The following RUFY3 variants were observed in gnomAD, a reference collection of about 807,000 sequenced individuals.
RUFY3 encodes RUN and FYVE domain containing 3, also known as protein RUFY3.
Under a neutral mutation model 84.0 loss-of-function variants are expected in RUFY3, and 34 were observed. The ratio of observed to expected loss-of-function variants is 0.40; its 90% CI spans 0.31 to 0.54. The LOEUF (loss-of-function observed/expected upper bound fraction) is 0.54, where lower values mean the gene tolerates loss of function less well. Ranked by LOEUF, RUFY3 falls within the 20% of genes least tolerant of loss-of-function variation. The pLI, the probability that RUFY3 is intolerant of heterozygous loss-of-function variation, is 0.39. For missense variants in RUFY3, 507 were observed against 736.8 expected, an observed-to-expected ratio of 0.69 and a Z score of 3.61; for synonymous variants, 242 against 252.9, an observed-to-expected ratio of 0.96 and a Z score of 0.41.
intron 1 of RUFY3, among the ~76,000 whole-genome samples, chr4:70,746,251 C>G (rs756139401): frequency 6.7e-6 from 1 of 150,152 alleles, no homozygotes; most frequent in East Asian, 2.0e-4. Flanking sequence ...GTCTGAGGCA[C>G]GAGAATCGCT....
At chr4:70,705,403 G>A in intron 1 of RUFY3, 1 of 784,566 alleles carries the variant, frequency 1.3e-6, no homozygotes, top group East Asian at 3.5e-5. Context: ...ACCCGAGCCG[G>A]GTGGCCGGGA....
At chr4:70,704,845 C>A in exon 1 of RUFY3, 1 of 847,726 alleles carries the variant, frequency 1.2e-6, no homozygotes, top group Non-Finnish European at 1.5e-6. Flanking sequence ...GCGCAGCGGA[C>A]GGGACGGGGC....
At position 70,705,114 on chromosome 4, in the gene RUFY3, C is replaced by T. The variant is rs1195537304; in HGVS notation, c.178C>T (p.Pro60Ser). Reference sequence around the variant, plus strand: ...CGCCGGGCAGTCGGAGCCCGACTCGCCGGTGGCCGCCCCCTTCTTCCTGCT... The same window carrying T: ...CGCCGGGCAGTCGGAGCCCGACTCGTCGGTGGCCGCCCCCTTCTTCCTGCT... The change falls in exon 1 of 12, where the codon CCG becomes TCG. Residue 60 changes from proline (P) to serine (S), a missense_variant. Transcript: ENST00000417478. 2.8e-6 allele frequency: 4 copies of T among 1,428,504 alleles called. No homozygotes were observed. In the Admixed American group the frequency reaches 8.0e-5, roughly 28 times the overall value. The allele number at this position is 1,428,504 out of a possible 1,614,324, so 88.5% of individuals were successfully genotyped here.
At chr4:70,719,669 C>T (rs1438837516), upstream of RUFY3, among the ~76,000 whole-genome samples, 1 of 152,126 alleles carries the variant, frequency 6.6e-6, no homozygotes, top group African/African-American at 2.4e-5. Context: ...TGAAGTATTG[C>T]ATGATATAAA....
At chr4:70,718,835 A>G (rs1423460854), upstream of RUFY3, among the ~76,000 whole-genome samples, 1 of 151,906 alleles carries the variant, frequency 6.6e-6, no homozygotes, top group Non-Finnish European at 1.5e-5. Flanking sequence ...CTCCTGCCTC[A>G]GCCTCCAGAG....
At chr4:70,772,066 T>G (rs77879096) in intron 5 of RUFY3, among the ~76,000 whole-genome samples, 2,344 of 150,462 alleles carry the variant, frequency 0.016, 41 homozygotes, top group South Asian at 0.056. Context: ...AGGAAAACCT[T>G]TTTTTTTTCT....
chr4:70,718,918 T>G (rs1741953809), upstream of RUFY3, among the ~76,000 whole-genome samples: 1 of 152,154 alleles, frequency 6.6e-6, no homozygotes, highest in Admixed American at 6.5e-5. Flanking sequence ...TTTCTCCATG[T>G]TGGTCAGGCT....
intron 8 of RUFY3, among the ~76,000 whole-genome samples, chr4:70,782,037 G>A (rs1277430630): frequency 6.6e-6 from 1 of 152,086 alleles, no homozygotes; most frequent in Non-Finnish European, 1.5e-5. Context: ...TGCTTAATGG[G>A]ATCTTTTAGC....
At chr4:70,704,769 TG>T, upstream of RUFY3, 1 of 411,446 alleles carries the variant, frequency 2.4e-6, no homozygotes, top group Non-Finnish European at 3.9e-6. Flanking sequence ...GGGCGGGCTG[TG>T]GGCCGAGCGG....
Position 70,764,456 on chromosome 4 carries a change from G to C in RUFY3, c.471-19G>C. Reference sequence around the variant, plus strand: ...CTGGTGCTTATGTTTTCAGTTGTTTGATTTCTGTGTTTTTGTAGGACACCA... The same window carrying C: ...CTGGTGCTTATGTTTTCAGTTGTTTCATTTCTGTGTTTTTGTAGGACACCA... On this transcript the variant is annotated intron_variant, in intron 3 of 17. Transcript: ENST00000381006. The C allele has an allele frequency of 6.4e-7, 1 of 1,551,894 alleles. No homozygotes were observed.
At position 70,753,647 on chromosome 4, in the gene RUFY3, T is replaced by A. The variant is rs1342982582; in HGVS notation, c.179-8872T>A. ...CTAAAAGCTTTCCTGGTTATGCCAGTGTTGATGTTCTGAGACCAGAGAGTA... is the reference window on the plus strand; with the variant it reads ...CTAAAAGCTTTCCTGGTTATGCCAGAGTTGATGTTCTGAGACCAGAGAGTA... On this transcript the variant is annotated intron_variant, in intron 1 of 17. Coordinates refer to ENST00000381006, the MANE Select transcript of RUFY3 (RefSeq NM_001037442.4). 3.3e-5 allele frequency among the ~76,000 whole-genome samples: 5 copies of A among 152,184 alleles called. No homozygotes were observed. The East Asian group carries it at 9.6e-4, about 29-fold the overall frequency.
intron 1 of RUFY3, among the ~76,000 whole-genome samples, chr4:70,707,712 A>AC (rs1740502161): frequency 6.9e-6 from 1 of 145,794 alleles, no homozygotes; most frequent in South Asian, 2.1e-4. Flanking sequence ...CATATTAGCA[A>AC]AAAAAAAAAA....
chr4:70,738,518 AC>A (rs1447295102), intron 1 of RUFY3, among the ~76,000 whole-genome samples: 1 of 150,108 alleles, frequency 6.7e-6, no homozygotes, highest in Admixed American at 6.6e-5. Flanking sequence ...ATGCGCCACC[AC>A]GCCCGGCTAA....
chr4:70,778,729 A>C lies in RUFY3; in HGVS notation c.894+291A>C, dbSNP rs949449678. Among the ~76,000 whole-genome samples, 21 of 151,716 alleles carry C rather than the reference A, an allele frequency of 1.4e-4. No individual in the cohort carries two copies. In the East Asian group the frequency reaches 1.9e-3, roughly 14 times the overall value. ...CGAGTAGCTGGGATTACAGGCATAC[A>C]CCACCACCCCGGCTAATTTTGTATT... On this transcript the variant is annotated intron_variant, in intron 8 of 17. Transcript: ENST00000381006.
intron 4 of RUFY3, among the ~76,000 whole-genome samples, chr4:70,765,218 T>TATATACATATATATATATATATATAA (rs1725684472): frequency 6.7e-6 from 1 of 148,618 alleles, no homozygotes; most frequent in East Asian, 2.0e-4. Flanking sequence ...TGTATATATA[T>TATATACATATATATATATATATATAA]ATATATATTT....
rs1294051790 is a variant in RUFY3, at chr4:70,763,569, G to A, written c.370G>A (p.Gly124Arg). The A allele has an allele frequency of 6.2e-7, 1 of 1,604,352 alleles. No homozygotes were observed. The highest frequency in any genetic ancestry group is 8.5e-7 in the Non-Finnish European group (1 of 1,177,380). The change falls in exon 3 of 18, where the codon GGA becomes AGA. Residue 124 changes from glycine to arginine, a missense_variant. This residue lies in a region of RUFY3 where 133 missense variants were observed against 301.1 expected (regional missense o/e 0.44). Transcript: ENST00000381006. ...TGCCTTAGCTAAAAAAACTTTTCTC[G>A]GACAAAATAAATCCTTCTGGGGGCC... ...HGLKAKKTFL[G>R]QNKSFWGPLE... is the part of the protein sequence containing the mutation.
intron 1 of RUFY3, among the ~76,000 whole-genome samples, chr4:70,709,252 G>A (rs975261031): frequency 6.6e-6 from 1 of 152,106 alleles, no homozygotes; most frequent in African/African-American, 2.4e-5. Flanking sequence ...AATCTGCTAG[G>A]TTTTTATACT....
intron 8 of RUFY3, among the ~76,000 whole-genome samples, chr4:70,779,584 C>CTTTTTTTTTTTTT (rs779419538): frequency 1.5e-5 from 2 of 130,498 alleles, no homozygotes; most frequent in Non-Finnish European, 3.3e-5. Context: ...ATTTCTTTTT[C>CTTTTTTTTTTTTT]TTTTTTTTTT....
chr4:70,750,484 T>C (rs1450588196), intron 1 of RUFY3, among the ~76,000 whole-genome samples: 3 of 152,190 alleles, frequency 2.0e-5, no homozygotes, highest in Non-Finnish European at 2.9e-5. Flanking sequence ...TTATATATTA[T>C]TATTATGTCT....
Sources: gnomAD v4.1 joint callset for allele counts (sites outside exome capture counted in the v4.1 genomes callset) on GRCh38, gnomAD v4.1.1 for gene constraint, gnomAD v4.1.1 regional missense constraint, MANE v1.5 for transcripts, NCBI Gene and HGNC (gene_info 2026-07-23, HGNC 2026-07-21) for gene names.